Variants in RCOR1 observed in about 807,000 individuals in gnomAD.
RCOR1 encodes the protein REST corepressor 1, also known as REST corepressor.
A neutral mutation model predicts 64.0 loss-of-function variants in RCOR1; 12 were observed. The observed-to-expected ratio is 0.19, with a 90% confidence interval of 0.12 to 0.30. The LOEUF (loss-of-function observed/expected upper bound fraction) is 0.30, where lower values mean the gene tolerates loss of function less well. Ranked by LOEUF, RCOR1 falls within the 10% of genes least tolerant of loss-of-function variation. RCOR1 has a pLI of 1.00. For synonymous variants in RCOR1, 279 were observed against 227.2 expected (o/e 1.23, Z -2.05); for missense variants, 502 against 621.2 (o/e 0.81, Z 2.04).
At chr14:102,628,084 C>A (rs770918973) in intron 2 of RCOR1, among the ~76,000 whole-genome samples, 2 of 151,912 alleles carry the variant, frequency 1.3e-5, no homozygotes, top group African/African-American at 4.8e-5. Flanking sequence ...AGTTCAAGTC[C>A]GAAGGCACGA....
rs371613479 is a variant in RCOR1 at position 102,727,270 on chromosome 14, A to C, written c.*764A>C. 4 of 148,148 alleles carry C rather than the reference A, an allele frequency of 2.7e-5. No homozygotes were observed. The highest frequency in any genetic ancestry group is 4.5e-5 in the Non-Finnish European group (3 of 66,998). The allele number at this position is 148,148 out of a possible 1,614,324, so 9.2% of individuals were successfully genotyped here. ...GTGACCCCAGGGTGGTTGCCACCCC[A>C]TCTTTTCCTGACCCCCCCCACCCCC... On this transcript the variant is annotated 3_prime_UTR_variant, in exon 12 of 12. Coordinates refer to ENST00000262241, the MANE Select transcript of RCOR1 (RefSeq NM_015156.4).
At chr14:102,652,805 A>G (rs1412148374) in intron 2 of RCOR1, among the ~76,000 whole-genome samples, 1 of 152,352 alleles carries the variant, frequency 6.6e-6, no homozygotes, top group South Asian at 2.1e-4. Flanking sequence ...CTTAGCATGT[A>G]TAACTGTGCA....
intron 2 of RCOR1, among the ~76,000 whole-genome samples, chr14:102,640,992 G>T (rs1894356800): frequency 6.6e-6 from 1 of 152,142 alleles, no homozygotes; most frequent in Admixed American, 6.6e-5. Flanking sequence ...GGTGGCTCAC[G>T]CCTGTAATCC....
At chr14:102,611,610 T>C (rs981392501) in intron 2 of RCOR1, among the ~76,000 whole-genome samples, 19 of 152,222 alleles carry the variant, frequency 1.2e-4, no homozygotes, top group Non-Finnish European at 5.9e-5. Context: ...GTTAAAATAC[T>C]TAAAAATAGT....
Position 102,708,406 on chromosome 14 carries a change from A to G in RCOR1, c.661-59A>G, listed in dbSNP as rs552941727. 5.7e-6 allele frequency: 6 copies of G among 1,057,446 alleles called. No homozygotes were observed. The South Asian group carries it at 6.3e-5, about 11-fold the overall frequency. The allele number at this position is 1,057,446 out of a possible 1,614,324, so 65.5% of individuals were successfully genotyped here. ...TGAGCCGCTGCGCCCGGCCTTAAAC[A>G]TTTGATTTTTAAAGATTACTTTTTT... On this transcript the variant is annotated intron_variant, in intron 5 of 11. Coordinates refer to ENST00000262241, the MANE Select transcript of RCOR1 (RefSeq NM_015156.4).
chr14:102,657,401 T>C (rs1595215910), intron 2 of RCOR1: 1 of 985,304 alleles, frequency 1.0e-6, no homozygotes, highest in South Asian at 4.7e-5. Context: ...GCTAATTTCT[T>C]AACTTTTCTG....
intron 3 of RCOR1, among the ~76,000 whole-genome samples, chr14:102,697,310 T>C (rs1895669960): frequency 1.3e-5 from 2 of 152,368 alleles, no homozygotes; most frequent in South Asian, 4.1e-4. Context: ...GTGCTGACTG[T>C]GTGCCATGCA....
At chr14:102,599,769 A>G (rs987807407) in intron 2 of RCOR1, among the ~76,000 whole-genome samples, 5 of 151,534 alleles carry the variant, frequency 3.3e-5, no homozygotes, top group African/African-American at 1.2e-4. Flanking sequence ...ATCATTGTAA[A>G]AAAAATATGG....
intron 2 of RCOR1, among the ~76,000 whole-genome samples, chr14:102,622,925 CCT>C (rs1893904410): frequency 6.6e-6 from 1 of 152,158 alleles, no homozygotes; most frequent in African/African-American, 2.4e-5. Context: ...ATGGAGTTCC[CCT>C]CTTTAACTCT....
chr14:102,707,530 C>T lies in RCOR1; in HGVS notation c.660+18C>T. On this transcript the variant is annotated intron_variant, in intron 5 of 11. Transcript: ENST00000262241. ...AACAAATGGTAAGTAGATGAGACCA[C>T]TGAGTTCTATTTTTTTTCTCCTATC... is the stretch of plus-strand genomic sequence containing the variant. 6.4e-7 allele frequency: 1 copy of T among 1,573,182 alleles called. No individual in the cohort carries two copies. The highest frequency in any genetic ancestry group is 8.6e-7 in the Non-Finnish European group (1 of 1,163,658).
chr14:102,609,467 TCTCA>T (rs1305745431), intron 2 of RCOR1, among the ~76,000 whole-genome samples: 1 of 151,972 alleles, frequency 6.6e-6, no homozygotes, highest in Admixed American at 6.6e-5. Flanking sequence ...TGAGATGGAG[TCTCA>T]CTCTGTTGTC....
In RCOR1 at chr14:102,708,387, G is replaced by C. The variant is rs796907404; in HGVS notation, c.661-78G>C. 6 of 848,166 alleles carry C rather than the reference G, an allele frequency of 7.1e-6. No homozygotes were observed. In the African/African-American group the frequency reaches 1.0e-4, roughly 14 times the overall value. The allele number at this position is 848,166 out of a possible 1,614,324, so 52.5% of individuals were successfully genotyped here. On this transcript the variant is annotated intron_variant, in intron 5 of 11. Transcript: ENST00000262241. ...AGTGCTGGGATTACAGGCGTGAGCCGCTGCGCCCGGCCTTAAACATTTGAT... is the reference window on the plus strand; with the variant it reads ...AGTGCTGGGATTACAGGCGTGAGCCCCTGCGCCCGGCCTTAAACATTTGAT...
At chr14:102,672,661 C>T (rs1316198923) in intron 2 of RCOR1, among the ~76,000 whole-genome samples, 2 of 152,122 alleles carry the variant, frequency 1.3e-5, no homozygotes, top group Non-Finnish European at 2.9e-5. Context: ...ATCCAATATG[C>T]TCAACCTCTT....
chr14:102,644,285 C>T (rs1894434795), intron 2 of RCOR1, among the ~76,000 whole-genome samples: 1 of 152,190 alleles, frequency 6.6e-6, no homozygotes, highest in Non-Finnish European at 1.5e-5. Context: ...CTTTTCATGA[C>T]CCAGCCTCGG....
At chr14:102,629,442 T>C (rs1041098006) in intron 2 of RCOR1, among the ~76,000 whole-genome samples, 28 of 146,022 alleles carry the variant, frequency 1.9e-4, no homozygotes, top group African/African-American at 4.4e-4. Context: ...CTTAACAGCC[T>C]CCCCCCCCCC....
chr14:102,658,234 C>G (rs147900035), intron 2 of RCOR1, among the ~76,000 whole-genome samples: 4,178 of 152,248 alleles, frequency 0.027, 85 homozygotes, highest in South Asian at 0.056. Flanking sequence ...CTCGGCTTCC[C>G]AAAGTGTTGG....
At chr14:102,709,969 T>G (rs1053495450) in intron 6 of RCOR1, among the ~76,000 whole-genome samples, 1 of 152,130 alleles carries the variant, frequency 6.6e-6, no homozygotes, top group Non-Finnish European at 1.5e-5. Context: ...CCACCTCCCA[T>G]GTGCACCTCA....
intron 5 of RCOR1, 110 bp from the exon 6 acceptor site, chr14:102,708,355 C>T: frequency 3.0e-6 from 2 of 667,386 alleles, no homozygotes; most frequent in South Asian, 2.9e-5. Flanking sequence ...CTGCCTTAGC[C>T]ACCCAAAGTG....
intron 2 of RCOR1, among the ~76,000 whole-genome samples, chr14:102,670,061 C>T (rs11160696): frequency 0.028 from 4,330 of 152,114 alleles, 208 homozygotes; most frequent in African/African-American, 0.1. Flanking sequence ...AGCAATTCTC[C>T]GGCCTCAGCC....
Sources: allele counts gnomAD v4.1 joint callset (sites outside exome capture counted in the v4.1 genomes callset), GRCh38; gene constraint gnomAD v4.1.1; transcripts MANE v1.5; gene names NCBI Gene and HGNC (gene_info 2026-07-23, HGNC 2026-07-21).